KMT2C: variants seen among roughly 807,000 people sequenced by gnomAD.
KMT2C encodes the protein histone-lysine N-methyltransferase 2C.
KMT2C carries 88 observed loss-of-function variants against 507.9 expected under a neutral mutation model. The observed-to-expected ratio is 0.17, with a 90% CI of 0.15 to 0.21. The LOEUF is 0.21. Among genes scored for constraint, KMT2C ranks in the 10% least tolerant of loss-of-function variants. KMT2C has a pLI of 1.00. For missense variants in KMT2C, 4,954 were observed against 5,957.8 expected, an observed-to-expected ratio of 0.83 and a Z score of 5.55; for synonymous variants, 2,049 against 2,080.8, an observed-to-expected ratio of 0.98 and a Z score of 0.42.
intron 13 of KMT2C, 51 bp from the exon 14 acceptor site, chr7:152,248,671 T>G: frequency 8.6e-7 from 1 of 1,159,058 alleles, no homozygotes; most frequent in African/African-American, 1.6e-5. Context: ...AATTTTAAAT[T>G]TTCTAACTAT....
chr7:152,408,478 C>T (rs59851061), intron 1 of KMT2C, among the ~76,000 whole-genome samples: 1,783 of 152,298 alleles, frequency 0.012, 14 homozygotes, highest in African/African-American at 0.041. Context: ...CAATACCACT[C>T]GGTAGCCTGT....
At chr7:152,171,203 T>C (rs2092947540) in intron 40 of KMT2C, 61 bp downstream of exon 40, 2 of 1,128,830 alleles carry the variant, frequency 1.8e-6, no homozygotes, top group Admixed American at 4.6e-5. Flanking sequence ...CTCTAAAGCA[T>C]GAGTTTGCTG....
At chr7:152,432,931 G>A (rs1419216442) in intron 1 of KMT2C, among the ~76,000 whole-genome samples, 1 of 151,346 alleles carries the variant, frequency 6.6e-6, no homozygotes, top group Non-Finnish European at 1.5e-5. Context: ...TGGATTACCT[G>A]AGGTCGGGGG....
At chr7:152,271,352 G>A (rs1448438235) in intron 7 of KMT2C, among the ~76,000 whole-genome samples, 14 of 151,952 alleles carry the variant, frequency 9.2e-5, no homozygotes, top group South Asian at 2.1e-4. Context: ...GGGTCAGAAC[G>A]CTGTGTAGTT....
chr7:152,284,709 CT>C (rs1338330152), intron 6 of KMT2C, among the ~76,000 whole-genome samples: 1 of 151,996 alleles, frequency 6.6e-6, no homozygotes, highest in Non-Finnish European at 1.5e-5. Context: ...ACTCTTACAA[CT>C]CAAGAAGATG....
intron 16 of KMT2C, among the ~76,000 whole-genome samples, chr7:152,230,716 A>T (rs770206192): frequency 6.6e-6 from 1 of 152,370 alleles, no homozygotes; most frequent in South Asian, 2.1e-4. Context: ...TCCTGCAAAC[A>T]TAAAATACAG....
chr7:152,357,707 C>T (rs2097163581), intron 2 of KMT2C, among the ~76,000 whole-genome samples: 1 of 152,030 alleles, frequency 6.6e-6, no homozygotes, highest in Non-Finnish European at 1.5e-5. Context: ...TTCTGAGCTT[C>T]CAAGAGTAAT....
intron 6 of KMT2C, among the ~76,000 whole-genome samples, chr7:152,295,914 A>C (rs2096488945): frequency 6.6e-6 from 1 of 151,804 alleles, no homozygotes; most frequent in South Asian, 2.1e-4. Context: ...AAAATACAAA[A>C]AAAATTAGCC....
At chr7:152,301,108 A>G (rs1381748004) in intron 6 of KMT2C, among the ~76,000 whole-genome samples, 1 of 151,828 alleles carries the variant, frequency 6.6e-6, no homozygotes, top group Non-Finnish European at 1.5e-5. Context: ...CACGCCTATA[A>G]TACTAGCACC....
Position 152,187,794 on chromosome 7 carries a change from G to C in KMT2C, c.4714C>G (p.Leu1572Val), listed in dbSNP as rs2093669848. 1.9e-6 allele frequency: 3 copies of C among 1,613,906 alleles called. No homozygotes were observed. In the South Asian group the frequency reaches 3.3e-5, roughly 18 times the overall value. The change falls in exon 32 of 59, where the codon CTC (leucine) becomes GTC (valine). Residue 1572 changes from leucine to valine, a missense_variant. Around this residue, in one of 29 missense-constraint regions of KMT2C, gnomAD observed 195 missense variants for 183.7 expected, o/e 1.06. Transcript: ENST00000262189. ...CCAGGTGGCAAAGAATTATGTGGGA[G>C]ATGAGGACTGGATCCAATAAGGCCA... is the stretch of plus-strand genomic sequence containing the variant. ...MNGLIGSSPH[L>V]PHNSLPPGSG...
At chr7:152,333,723 G>C (rs2096905755) in intron 2 of KMT2C, among the ~76,000 whole-genome samples, 1 of 151,862 alleles carries the variant, frequency 6.6e-6, no homozygotes, top group Non-Finnish European at 1.5e-5. Context: ...AACTATTCTT[G>C]GGTAGTTAGA....
At position 152,179,491 on chromosome 7, in the gene KMT2C, T is replaced by C. The variant is rs17173369; in HGVS notation, c.7442+343A>G. 8.6e-3 allele frequency among the ~76,000 whole-genome samples: 1,305 copies of C among 152,278 alleles called. 20 individuals carry two copies. Among genetic ancestry groups the C allele is most frequent in the African/African-American group, 0.03 (1,257 of 41,546 alleles). On this transcript the variant is annotated intron_variant, in intron 37 of 58. Coordinates refer to ENST00000262189, the MANE Select transcript of KMT2C (RefSeq NM_170606.3). ...ACAAAGGTAATGTTTTCAGAGTCTG[T>C]AGAGTTCTTAGAGGAAAAAAATGTC...
rs1195662138 is a variant in KMT2C at position 152,151,355 on chromosome 7, T to C, written c.12666+87A>G. On this transcript the variant is annotated intron_variant, in intron 50 of 58. Coordinates refer to ENST00000262189, the MANE Select transcript of KMT2C (RefSeq NM_170606.3). ...GTGTCCATCACACCACCATAAGTGG[T>C]GTCTCTCTCTGATGTTGGAAGAGAC... 6 of 1,364,652 alleles carry C rather than the reference T, an allele frequency of 4.4e-6. No homozygotes were observed. In the African/African-American group the frequency reaches 5.8e-5, roughly 13 times the overall value. The allele number at this position is 1,364,652 out of a possible 1,614,324, so 84.5% of individuals were successfully genotyped here.
intron 2 of KMT2C, among the ~76,000 whole-genome samples, chr7:152,337,924 T>C (rs1409605643): frequency 1.3e-5 from 2 of 151,716 alleles, no homozygotes; most frequent in African/African-American, 2.4e-5. Flanking sequence ...TGGCGCGATC[T>C]CAGCTCACTG....
At chr7:152,198,737 T>G (rs995435620) in intron 27 of KMT2C, among the ~76,000 whole-genome samples, 6 of 152,132 alleles carry the variant, frequency 3.9e-5, no homozygotes, top group Non-Finnish European at 8.8e-5. Context: ...TGGAGATATT[T>G]TTGATCATCA....
chr7:152,204,537 C>CAG, intron 25 of KMT2C, among the ~76,000 whole-genome samples: 1 of 151,996 alleles, frequency 6.6e-6, no homozygotes, highest in East Asian at 1.9e-4. Flanking sequence ...TGCAAGGCTG[C>CAG]AGTGACCCAT....
intron 4 of KMT2C, among the ~76,000 whole-genome samples, chr7:152,313,347 G>A (rs1173210871): frequency 1.3e-5 from 2 of 151,916 alleles, no homozygotes; most frequent in Non-Finnish European, 2.9e-5. Flanking sequence ...CCAAGAGAAT[G>A]ACTAATTTAT....
chr7:152,213,333 T>C (rs2094498017), intron 23 of KMT2C, among the ~76,000 whole-genome samples: 3 of 152,154 alleles, frequency 2.0e-5, no homozygotes, highest in Admixed American at 2.0e-4. Flanking sequence ...AAGTGATAGT[T>C]AACAAAACAG....
At chr7:152,210,648 C>T (rs1407826135) in intron 23 of KMT2C, among the ~76,000 whole-genome samples, 1 of 151,792 alleles carries the variant, frequency 6.6e-6, no homozygotes, top group Middle Eastern at 3.2e-3. Flanking sequence ...ATCTGCAACA[C>T]CCCTGATCTG....
Sources: gnomAD v4.1 joint callset for allele counts (sites outside exome capture counted in the v4.1 genomes callset) on GRCh38, gnomAD v4.1.1 for gene constraint, gnomAD v4.1.1 regional missense constraint, MANE v1.5 for transcripts, NCBI Gene and HGNC (gene_info 2026-07-23, HGNC 2026-07-21) for gene names.